DOCK1: variants seen among roughly 807,000 people sequenced by gnomAD.
DOCK1 encodes dedicator of cytokinesis 1.
A neutral mutation model predicts 262.7 loss-of-function variants in DOCK1; 138 were observed. The ratio of observed to expected loss-of-function variants is 0.53; its 90% CI spans 0.46 to 0.61. The LOEUF (loss-of-function observed/expected upper bound fraction) is 0.61, where lower values mean the gene tolerates loss of function less well. Among genes scored for constraint, DOCK1 ranks in the 20% least tolerant of loss-of-function variants. DOCK1 has a pLI of 0.00. For synonymous variants in DOCK1, 866 were observed against 867.4 expected, an observed-to-expected ratio of 1.00 and a Z score of 0.03; for missense variants, 1,908 against 2,370.7, an observed-to-expected ratio of 0.80 and a Z score of 4.05.
intron 27 of DOCK1, among the ~76,000 whole-genome samples, chr10:127,156,814 C>T (rs1001054160): frequency 9.2e-5 from 14 of 152,204 alleles, no homozygotes; most frequent in South Asian, 8.3e-4. Context: ...GTGATCTTCC[C>T]GCCTCGGCCT....
rs1243347479 is a variant in DOCK1, at chr10:127,452,205, G to A, written c.*778G>A. 1.3e-5 allele frequency: 2 copies of A among 152,504 alleles called. No individual in the cohort carries two copies. Among genetic ancestry groups the A allele is most frequent in the Non-Finnish European group, 2.9e-5 (2 of 68,006 alleles). The allele number at this position is 152,504 out of a possible 1,614,324, so 9.4% of individuals were successfully genotyped here. A position where few individuals can be genotyped will look rare whatever the true frequency, so the allele number is the denominator to read the frequency against. ...AAATTTGTATATATGATGGTTCTTA[G>A]AACTTGTTTTAATTTTTGTGGTCCT... On this transcript the variant is annotated 3_prime_UTR_variant, in exon 52 of 52. Coordinates refer to ENST00000623213, the MANE Select transcript of DOCK1 (RefSeq NM_001290223.2).
Position 127,123,887 on chromosome 10 carries a change from C to T in DOCK1, c.2624-1587C>T, listed in dbSNP as rs1320343004. On this transcript the variant is annotated intron_variant, in intron 25 of 51. Transcript: ENST00000623213. Reference sequence around the variant, plus strand: ...GCAGCTCTTAGCACGTCATACATTTCTTCTGCCTAAGTGTTGACTACTGGC... The same window carrying T: ...GCAGCTCTTAGCACGTCATACATTTTTTCTGCCTAAGTGTTGACTACTGGC... Among the ~76,000 whole-genome samples, 3 of 152,208 alleles carry T rather than the reference C, an allele frequency of 2.0e-5. No individual in the cohort carries two copies. The East Asian group carries it at 5.8e-4, about 29-fold the overall frequency.
chr10:127,286,115 G>A (rs900176215), intron 29 of DOCK1, among the ~76,000 whole-genome samples: 2 of 152,066 alleles, frequency 1.3e-5, no homozygotes, highest in African/African-American at 4.8e-5. Context: ...TCCATGTGTA[G>A]GCCTGAATCG....
At chr10:127,026,526 A>G in intron 16 of DOCK1, 102 bp downstream of exon 16, 1 of 1,047,806 alleles carries the variant, frequency 9.5e-7, no homozygotes. Context: ...CTATCATAAC[A>G]CAATAAGGCT....
At chr10:127,311,442 C>T (rs190726746) in intron 29 of DOCK1, among the ~76,000 whole-genome samples, 36 of 152,258 alleles carry the variant, frequency 2.4e-4, no homozygotes, top group African/African-American at 7.2e-4. Context: ...TCCAAACATC[C>T]GAAATCCAAA....
chr10:126,966,074 A>G (rs983438452), intron 1 of DOCK1, among the ~76,000 whole-genome samples: 6,073 of 152,108 alleles, frequency 0.04, 160 homozygotes, highest in African/African-American at 0.073. Context: ...TACTTCTATA[A>G]GCTCAGTTTT....
chr10:127,294,884 C>T (rs201622398), intron 29 of DOCK1, among the ~76,000 whole-genome samples: 10 of 152,132 alleles, frequency 6.6e-5, no homozygotes, highest in East Asian at 3.9e-4. Context: ...TCAGTTGATC[C>T]GCCCGCCTCA....
chr10:127,258,009 A>C (rs996835381), intron 29 of DOCK1, among the ~76,000 whole-genome samples: 1 of 152,170 alleles, frequency 6.6e-6, no homozygotes, highest in Admixed American at 6.5e-5. Context: ...CTTTCTGTTC[A>C]TCTCTGTTTT....
At chr10:127,343,809 C>A (rs1468429753) in intron 31 of DOCK1, 63 bp downstream of exon 31, 1 of 1,324,070 alleles carries the variant, frequency 7.6e-7, no homozygotes, top group Non-Finnish European at 1.0e-6. Context: ...GCATAATTTT[C>A]ATGTCATTTC....
chr10:127,134,896 T>C (rs1422436834), intron 27 of DOCK1, among the ~76,000 whole-genome samples: 2 of 152,064 alleles, frequency 1.3e-5, no homozygotes, highest in African/African-American at 4.8e-5. Context: ...AGCCCACGTG[T>C]GCAGATGGGT....
intron 25 of DOCK1, among the ~76,000 whole-genome samples, chr10:127,115,422 C>G (rs1564813925): frequency 6.6e-6 from 1 of 152,194 alleles, no homozygotes; most frequent in East Asian, 1.9e-4. Flanking sequence ...CAAAAGATGA[C>G]TCTTGCATAT....
chr10:127,162,579 A>C (rs1484461219), intron 27 of DOCK1, among the ~76,000 whole-genome samples: 1 of 152,160 alleles, frequency 6.6e-6, no homozygotes, highest in Non-Finnish European at 1.5e-5. Flanking sequence ...AATCACACAC[A>C]TCCCATTCCC....
intron 27 of DOCK1, among the ~76,000 whole-genome samples, chr10:127,182,319 A>G (rs2055816124): frequency 6.6e-6 from 1 of 152,152 alleles, no homozygotes; most frequent in Non-Finnish European, 1.5e-5. Context: ...AAAAAAACCT[A>G]TGGTCAGTTG....
At chr10:127,264,691 C>CA (rs2060291679) in intron 29 of DOCK1, among the ~76,000 whole-genome samples, 1 of 151,910 alleles carries the variant, frequency 6.6e-6, no homozygotes, top group Admixed American at 6.6e-5. Flanking sequence ...GACAGGGTCT[C>CA]ACTCTGTTGT....
At chr10:126,942,531 G>A (rs1206649053) in intron 1 of DOCK1, among the ~76,000 whole-genome samples, 8 of 152,128 alleles carry the variant, frequency 5.3e-5, no homozygotes, top group East Asian at 1.9e-4. Flanking sequence ...GTTAGAATGC[G>A]AGAGGAATGG....
intron 27 of DOCK1, among the ~76,000 whole-genome samples, chr10:127,167,868 C>T (rs2133787902): frequency 6.6e-6 from 1 of 152,220 alleles, no homozygotes; most frequent in South Asian, 2.1e-4. Context: ...AAAATCTCTT[C>T]CCTGTGTTCA....
At chr10:127,325,355 C>T (rs534132313) in intron 29 of DOCK1, among the ~76,000 whole-genome samples, 15 of 152,332 alleles carry the variant, frequency 9.8e-5, no homozygotes, top group African/African-American at 3.4e-4. Context: ...CTTCCTAAGT[C>T]TTTCGTTTTG....
chr10:126,936,458 A>C (rs1174126741), intron 1 of DOCK1, among the ~76,000 whole-genome samples: 1 of 152,198 alleles, frequency 6.6e-6, no homozygotes, highest in Non-Finnish European at 1.5e-5. Flanking sequence ...TAGACAGTGA[A>C]ATTTGTATAT....
chr10:127,012,420 G>A lies in DOCK1; in HGVS notation c.1201+46G>A, dbSNP rs78987131. On this transcript the variant is annotated intron_variant, in intron 12 of 51. Transcript: ENST00000623213. This position sits in a 1 kb window ranked among gnomAD's most constrained non-coding sequence, Gnocchi z 4.0. ...TTTCTATCAGCGTGTATTTGCATGC[G>A]TTGGGGCAGTGCTGTCTGGGTTGGT... 2.1e-4 allele frequency: 332 copies of A among 1,580,542 alleles called. No homozygotes were observed. In the African/African-American group the frequency reaches 3.0e-3, roughly 14 times the overall value.
Sources: allele counts gnomAD v4.1 joint callset (sites outside exome capture counted in the v4.1 genomes callset), GRCh38; gene constraint gnomAD v4.1.1; non-coding constraint Gnocchi (gnomAD v3.1); transcripts MANE v1.5; gene names NCBI Gene and HGNC (gene_info 2026-07-23, HGNC 2026-07-21).